The following CYRIB variants were observed in gnomAD, a reference collection of about 807,000 sequenced individuals.
The protein encoded by CYRIB is CYFIP-related Rac1 interactor B.
Under a neutral mutation model 44.2 loss-of-function variants are expected in CYRIB, and 8 were observed. The ratio of observed to expected loss-of-function variants is 0.18; its 90% confidence interval spans 0.11 to 0.33. The LOEUF (loss-of-function observed/expected upper bound fraction) is 0.33, where lower values mean the gene tolerates loss of function less well. CYRIB is among the 10% of genes least tolerant of loss of function. CYRIB has a pLI of 1.00. For missense variants in CYRIB, 185 were observed against 382.8 expected, an observed-to-expected ratio of 0.48 and a Z score of 4.31; for synonymous variants, 131 against 127.2, an observed-to-expected ratio of 1.03 and a Z score of -0.20.
At chr8:129,854,571 TA>T in intron 6 of CYRIB, among the ~76,000 whole-genome samples, 1 of 152,340 alleles carries the variant, frequency 6.6e-6, no homozygotes, top group East Asian at 1.9e-4. Context: ...TCTTTTCAGT[TA>T]ATTTCAGGTA....
chr8:129,935,999 A>G (rs1362212685), intron 1 of CYRIB, among the ~76,000 whole-genome samples: 1 of 152,242 alleles, frequency 6.6e-6, no homozygotes, highest in African/African-American at 2.4e-5. Flanking sequence ...AATTACTTGC[A>G]TAAGTGGGAA....
In CYRIB at chr8:129,877,663, GGTGTGTGTGTGTGT is replaced by G. The variant is rs5895011; in HGVS notation, c.73+1712_73+1725del. Among the ~76,000 whole-genome samples, 76 of 130,684 alleles carry G rather than the reference GGTGTGTGTGTGTGT, an allele frequency of 5.8e-4. 1 individual carries two copies. Among genetic ancestry groups the G allele is most frequent in the East Asian group, 5.1e-3 (24 of 4,664 alleles). 85.7% of individuals were successfully genotyped at this position (130,684 alleles called of 152,430 possible). ...GACCTCATATCAAAAAAAAAAAAAA[GGTGTGTGTGTGTGT>G]GTGTGTGTGTGTGTGTGTGTATAAA... On this transcript the variant is annotated intron_variant, in intron 3 of 11. Coordinates refer to ENST00000519824, the Ensembl canonical transcript of CYRIB.
chr8:130,016,092 G>A (rs1009869895), intron 1 of CYRIB, among the ~76,000 whole-genome samples: 3 of 149,838 alleles, frequency 2.0e-5, no homozygotes, highest in Non-Finnish European at 4.5e-5. Flanking sequence ...CGGCGGCCCC[G>A]CTGCGCGCTC....
chr8:129,852,070 A>AGAT (rs1157519469), intron 8 of CYRIB, 92 bp downstream of exon 10: 4 of 712,522 alleles, frequency 5.6e-6, no homozygotes, highest in Middle Eastern at 2.6e-4. Flanking sequence ...GTTGGTTTCA[A>AGAT]GATGGTATTT....
At chr8:129,985,268 A>T (rs963322948) in intron 1 of CYRIB, among the ~76,000 whole-genome samples, 3 of 152,232 alleles carry the variant, frequency 2.0e-5, no homozygotes, top group African/African-American at 7.2e-5. Flanking sequence ...TGGGCACCAC[A>T]GCGGCTGGCA....
At chr8:129,841,870 G>C (rs975536531) in exon 12 of CYRIB, 6 of 317,566 alleles carry the variant, frequency 1.9e-5, no homozygotes, top group Non-Finnish European at 3.4e-5. Flanking sequence ...TCAAGTCACA[G>C]AATTTTTCTC....
At chr8:129,942,070 G>A (rs1564284642), upstream of CYRIB, among the ~76,000 whole-genome samples, 1 of 152,196 alleles carries the variant, frequency 6.6e-6, no homozygotes, top group Non-Finnish European at 1.5e-5. Flanking sequence ...ACCAGGTGCA[G>A]TGGCTCACAC....
At chr8:129,923,212 T>C (rs901548300) in intron 1 of CYRIB, among the ~76,000 whole-genome samples, 4 of 99,500 alleles carry the variant, frequency 4.0e-5, no homozygotes, top group African/African-American at 1.6e-4. Flanking sequence ...CATTGCACTC[T>C]AGCCTGGGCA....
chr8:129,994,695 A>G (rs1227603638), intron 1 of CYRIB, among the ~76,000 whole-genome samples: 2 of 152,262 alleles, frequency 1.3e-5, no homozygotes, highest in Non-Finnish European at 2.9e-5. Context: ...GCTATGGAAC[A>G]TCGACAACAG....
intron 2 of CYRIB, among the ~76,000 whole-genome samples, chr8:129,966,597 T>A (rs1271359604): frequency 6.6e-6 from 1 of 152,232 alleles, no homozygotes; most frequent in East Asian, 1.9e-4. Flanking sequence ...GCGCAGTGGC[T>A]CATGCCTGTA....
At chr8:129,867,437 A>T (rs189307966) in intron 4 of CYRIB, among the ~76,000 whole-genome samples, 182 of 151,766 alleles carry the variant, frequency 1.2e-3, no homozygotes, top group South Asian at 0.01. Flanking sequence ...TTATTTTTTT[A>T]AAATTTACAA....
At chr8:129,904,558 C>T (rs917536020) in intron 1 of CYRIB, 8 of 152,190 alleles carry the variant, frequency 5.3e-5, no homozygotes, top group Non-Finnish European at 1.2e-4. Flanking sequence ...ACTTCTGTTT[C>T]TTGCTAACAG....
intron 1 of CYRIB, among the ~76,000 whole-genome samples, chr8:129,980,898 C>T (rs867761719): frequency 2.0e-5 from 3 of 151,444 alleles, no homozygotes; most frequent in African/African-American, 4.9e-5. Flanking sequence ...GTGGGAGGAT[C>T]GCTTCAGCCT....
At chr8:129,918,934 T>A (rs1008438220) in intron 1 of CYRIB, among the ~76,000 whole-genome samples, 3 of 152,176 alleles carry the variant, frequency 2.0e-5, no homozygotes, top group African/African-American at 7.2e-5. Context: ...TTTAGAAAAA[T>A]ATGTAATTTC....
chr8:129,940,684 T>C (rs2093623445), upstream of CYRIB, among the ~76,000 whole-genome samples: 1 of 152,138 alleles, frequency 6.6e-6, no homozygotes, highest in African/African-American at 2.4e-5. Context: ...TTTTTTTTTA[T>C]TAACATTAAA....
At chr8:129,999,041 C>T (rs1159531672) in intron 1 of CYRIB, among the ~76,000 whole-genome samples, 2 of 152,220 alleles carry the variant, frequency 1.3e-5, no homozygotes, top group East Asian at 3.9e-4. Context: ...TTTCTTCCCT[C>T]GCATCTATTC....
chr8:129,921,077 A>C (rs1319283308), intron 1 of CYRIB, among the ~76,000 whole-genome samples: 1 of 152,222 alleles, frequency 6.6e-6, no homozygotes, highest in African/African-American at 2.4e-5. Context: ...TGAACAGATC[A>C]TCAATATTTA....
intron 1 of CYRIB, among the ~76,000 whole-genome samples, chr8:129,925,635 A>G (rs936874613): frequency 6.6e-6 from 1 of 150,404 alleles, no homozygotes; most frequent in African/African-American, 2.4e-5. Context: ...AGTCCAAAAA[A>G]CTTTGGGAGC....
At chr8:129,973,684 C>T (rs2095807313) in intron 1 of CYRIB, among the ~76,000 whole-genome samples, 1 of 152,176 alleles carries the variant, frequency 6.6e-6, no homozygotes, top group Non-Finnish European at 1.5e-5. Context: ...TCATTTAGTT[C>T]TTTAAAAAAT....
Sources: allele counts gnomAD v4.1 joint callset (sites outside exome capture counted in the v4.1 genomes callset), GRCh38; gene constraint gnomAD v4.1.1; transcripts MANE v1.5; gene names NCBI Gene and HGNC (gene_info 2026-07-23, HGNC 2026-07-21).